The following CNTN4 variants were observed in gnomAD, a reference collection of about 807,000 sequenced individuals.
CNTN4 encodes contactin 4.
In CNTN4, 77 loss-of-function variants were observed where a neutral mutation model predicts 122.5. That is an observed-to-expected ratio of 0.63 (90% CI 0.52 to 0.76). The LOEUF is 0.76. Ranked by LOEUF, CNTN4 falls within the 30% of genes least tolerant of loss-of-function variation. The pLI is 0.00. For missense variants in CNTN4, 1,256 were observed against 1,259.1 expected (o/e 1.00, Z 0.04); for synonymous variants, 512 against 447.0 (o/e 1.15, Z -1.83).
intron 3 of CNTN4, among the ~76,000 whole-genome samples, chr3:2,496,086 C>T (rs1233628842): frequency 6.6e-6 from 1 of 152,104 alleles, no homozygotes; most frequent in Non-Finnish European, 1.5e-5. Flanking sequence ...CAGTTGTCAG[C>T]ATTCTATTTT....
chr3:3,019,863 T>C (rs571484437), intron 14 of CNTN4, among the ~76,000 whole-genome samples: 2 of 148,422 alleles, frequency 1.3e-5, no homozygotes, highest in South Asian at 4.2e-4. Context: ...GAGAAGAAAA[T>C]AAGCAAATAC....
At chr3:2,451,912 A>G (rs557460616) in intron 3 of CNTN4, among the ~76,000 whole-genome samples, 1 of 152,280 alleles carries the variant, frequency 6.6e-6, no homozygotes, top group East Asian at 1.9e-4. Context: ...TTCCAAAAAC[A>G]AGAACTCAGG....
intron 10 of CNTN4, among the ~76,000 whole-genome samples, chr3:2,899,014 T>C (rs902722670): frequency 3.3e-5 from 5 of 152,222 alleles, no homozygotes; most frequent in Non-Finnish European, 7.3e-5. Flanking sequence ...TTGTTGATGT[T>C]CTAAATTTTT....
intron 6 of CNTN4, among the ~76,000 whole-genome samples, chr3:2,817,045 A>G (rs1461951860): frequency 6.6e-6 from 1 of 152,198 alleles, no homozygotes; most frequent in Admixed American, 6.5e-5. Context: ...CTGGATAGAT[A>G]TTCATACCTG....
chr3:2,332,512 G>C (rs916806808), intron 2 of CNTN4, among the ~76,000 whole-genome samples: 4 of 151,990 alleles, frequency 2.6e-5, no homozygotes, highest in South Asian at 4.2e-4. Context: ...TTCTGAGTTA[G>C]GGAGATCAGA....
At chr3:2,642,508 T>C (rs1418388741) in intron 4 of CNTN4, among the ~76,000 whole-genome samples, 1 of 152,188 alleles carries the variant, frequency 6.6e-6, no homozygotes, top group African/African-American at 2.4e-5. Context: ...ACCACATAAA[T>C]TATATAGACT....
intron 7 of CNTN4, among the ~76,000 whole-genome samples, chr3:2,831,645 A>G (rs760027775): frequency 1.3e-5 from 2 of 152,208 alleles, no homozygotes; most frequent in East Asian, 1.9e-4. Flanking sequence ...CACTGTCACA[A>G]TTAACCCCTG....
At chr3:2,119,405 A>G (rs1254540902) in intron 2 of CNTN4, among the ~76,000 whole-genome samples, 3 of 152,162 alleles carry the variant, frequency 2.0e-5, no homozygotes, top group East Asian at 3.9e-4. Context: ...AAGTTTCTCT[A>G]GCTGTTTTTA....
At chr3:3,037,118 A>G in intron 17 of CNTN4, 61 bp from the exon 18 acceptor site, 1 of 1,569,910 alleles carries the variant, frequency 6.4e-7, no homozygotes, top group East Asian at 2.2e-5. Flanking sequence ...TTCCTAACGT[A>G]ATCTCTGCAT....
chr3:2,422,122 G>A (rs1233017284), intron 3 of CNTN4, among the ~76,000 whole-genome samples: 1 of 152,212 alleles, frequency 6.6e-6, no homozygotes, highest in Non-Finnish European at 1.5e-5. Context: ...TTTCACCAGA[G>A]GTGAAGTTGT....
At position 2,692,690 on chromosome 3, in the gene CNTN4, T is replaced by G. The variant is rs2085807061; in HGVS notation, c.56-43525T>G. Among the ~76,000 whole-genome samples, 4 of 152,154 alleles carry G rather than the reference T, an allele frequency of 2.6e-5. No individual in the cohort carries two copies. The South Asian group carries it at 8.3e-4, about 31-fold the overall frequency. On this transcript the variant is annotated intron_variant, in intron 4 of 24. Transcript: ENST00000418658. Reference sequence around the variant, plus strand: ...GCAAACACTATTTCGTTTAATCTTGTGGTGACTCTGTCAAGAAAGGGAAAT... The same window carrying G: ...GCAAACACTATTTCGTTTAATCTTGGGGTGACTCTGTCAAGAAAGGGAAAT...
chr3:2,854,022 G>A (rs1170405655), intron 7 of CNTN4, among the ~76,000 whole-genome samples: 2 of 152,156 alleles, frequency 1.3e-5, no homozygotes, highest in East Asian at 3.9e-4. Flanking sequence ...CTTTCATCTA[G>A]TCCTCTTCAC....
intron 3 of CNTN4, among the ~76,000 whole-genome samples, chr3:2,425,431 T>C (rs2047786513): frequency 6.6e-6 from 1 of 152,160 alleles, no homozygotes; most frequent in Non-Finnish European, 1.5e-5. Context: ...TTGGTCTTCA[T>C]CTCTGTTTTG....
chr3:2,690,236 G>A (rs1407620387), intron 4 of CNTN4, among the ~76,000 whole-genome samples: 1 of 152,068 alleles, frequency 6.6e-6, no homozygotes, highest in East Asian at 1.9e-4. Flanking sequence ...TATTCTCTGG[G>A]ACAGGTAATT....
chr3:2,651,825 T>G (rs893910440), intron 4 of CNTN4, among the ~76,000 whole-genome samples: 14 of 151,412 alleles, frequency 9.2e-5, no homozygotes, highest in African/African-American at 2.7e-4. Context: ...TACTTCTTAC[T>G]CTCGAGTAGC....
chr3:3,048,486 G>A (rs1185504061), intron 23 of CNTN4, among the ~76,000 whole-genome samples: 1 of 150,322 alleles, frequency 6.7e-6, no homozygotes, highest in African/African-American at 2.5e-5. Context: ...AGGTACCAAT[G>A]AATAACTCTC....
chr3:2,506,666 A>G (rs1396072004), intron 3 of CNTN4, among the ~76,000 whole-genome samples: 1 of 152,242 alleles, frequency 6.6e-6, no homozygotes, highest in Non-Finnish European at 1.5e-5. Context: ...TTTCAGGAGT[A>G]AGATCAGAAT....
intron 4 of CNTN4, among the ~76,000 whole-genome samples, chr3:2,657,499 C>G (rs2083645955): frequency 6.6e-6 from 1 of 152,084 alleles, no homozygotes; most frequent in African/African-American, 2.4e-5. Context: ...TATTTTGGTT[C>G]TAAGGAGGTT....
chr3:3,034,017 C>T (rs1264525765), intron 16 of CNTN4, among the ~76,000 whole-genome samples: 1 of 152,144 alleles, frequency 6.6e-6, no homozygotes, highest in Non-Finnish European at 1.5e-5. Context: ...TCTTGCGCAC[C>T]GGCCATTTTC....
Sources: allele counts gnomAD v4.1 joint callset (sites outside exome capture counted in the v4.1 genomes callset), GRCh38; gene constraint gnomAD v4.1.1; transcripts MANE v1.5; gene names NCBI Gene and HGNC (gene_info 2026-07-23, HGNC 2026-07-21).